KHDRBS3: variants seen among roughly 807,000 people sequenced by gnomAD.
KHDRBS3 encodes KH RNA binding domain containing, signal transduction associated 3.
Under a neutral mutation model 45.6 loss-of-function variants are expected in KHDRBS3, and 23 were observed. The observed-to-expected ratio is 0.50, with a 90% CI of 0.36 to 0.72. The LOEUF (loss-of-function observed/expected upper bound fraction) is 0.72. Ranked by LOEUF, KHDRBS3 falls within the 30% of genes least tolerant of loss-of-function variation. The probability of loss-of-function intolerance (pLI) is 0.00; values close to 1 mark genes in which losing one functional copy is unlikely to be tolerated. For synonymous variants in KHDRBS3, 162 were observed against 156.5 expected (o/e 1.04, Z -0.26); for missense variants, 352 against 424.8 (o/e 0.83, Z 1.51).
chr8:135,533,204 G>A (rs1825568330), intron 2 of KHDRBS3, among the ~76,000 whole-genome samples: 3 of 152,098 alleles, frequency 2.0e-5, no homozygotes, highest in Admixed American at 2.0e-4. Flanking sequence ...CCTCCAGTGG[G>A]CAAATATTAC....
At position 135,607,178 on chromosome 8, in the gene KHDRBS3, C is replaced by G. The variant is rs116804629; in HGVS notation, c.890+141C>G. 4.5e-3 allele frequency: 2,511 copies of G among 562,362 alleles called. 39 individuals are homozygous for G. Among genetic ancestry groups the G allele is most frequent in the African/African-American group, 0.044 (2,318 of 52,364 alleles). The allele number at this position is 562,362 out of a possible 1,614,324, so 34.8% of individuals were successfully genotyped here. The stretch of plus-strand genomic sequence containing the variant: ...TTGTATTTGTTTAAATGGAGAAGCC[C>G]TGTCTGTTCTAGCAACCAGCATGTA... On this transcript the variant is annotated intron_variant, in intron 7 of 8. Transcript: ENST00000355849.
chr8:135,613,823 T>C (rs1242324098), intron 7 of KHDRBS3, among the ~76,000 whole-genome samples: 1 of 151,528 alleles, frequency 6.6e-6, no homozygotes, highest in Non-Finnish European at 1.5e-5. Context: ...CTGGCTACCG[T>C]TGGGTATGAT....
chr8:135,551,289 T>G (rs10095429), intron 4 of KHDRBS3, among the ~76,000 whole-genome samples: 87,726 of 151,856 alleles, frequency 0.58, 26,289 homozygotes, highest in East Asian at 0.78. Flanking sequence ...TCCATTCCGT[T>G]CCTTATGACA....
At chr8:135,472,364 C>A (rs1467031485) in intron 1 of KHDRBS3, among the ~76,000 whole-genome samples, 1 of 152,178 alleles carries the variant, frequency 6.6e-6, no homozygotes, top group Non-Finnish European at 1.5e-5. Flanking sequence ...ACCAGACACA[C>A]GATGAGGATT....
chr8:135,579,744 A>G (rs1366242778), intron 5 of KHDRBS3, among the ~76,000 whole-genome samples: 1 of 152,044 alleles, frequency 6.6e-6, no homozygotes, highest in Admixed American at 6.6e-5. Flanking sequence ...TGATTTTCCT[A>G]CTTTGGCCTT....
intron 1 of KHDRBS3, among the ~76,000 whole-genome samples, chr8:135,479,715 C>G (rs1822468770): frequency 6.6e-6 from 1 of 152,206 alleles, no homozygotes; most frequent in Non-Finnish European, 1.5e-5. Flanking sequence ...CTGAAAGACC[C>G]TACCTCTTTA....
chr8:135,481,128 C>T (rs1284313369), intron 1 of KHDRBS3, among the ~76,000 whole-genome samples: 3 of 151,302 alleles, frequency 2.0e-5, no homozygotes, highest in African/African-American at 4.9e-5. Context: ...GTATTCACTG[C>T]CCTGCTTACC....
At chr8:135,480,981 C>T (rs984978474) in intron 1 of KHDRBS3, among the ~76,000 whole-genome samples, 1 of 152,026 alleles carries the variant, frequency 6.6e-6, no homozygotes, top group Non-Finnish European at 1.5e-5. Flanking sequence ...TTCCTAACCA[C>T]CAGCATTATT....
At chr8:135,480,661 A>C (rs1336251259) in intron 1 of KHDRBS3, among the ~76,000 whole-genome samples, 1 of 152,192 alleles carries the variant, frequency 6.6e-6, no homozygotes, top group Non-Finnish European at 1.5e-5. Context: ...GAAAGGAAAA[A>C]AAAGAGAAAT....
intron 7 of KHDRBS3, among the ~76,000 whole-genome samples, chr8:135,639,021 A>G (rs1043068378): frequency 6.6e-6 from 1 of 152,024 alleles, no homozygotes; most frequent in Admixed American, 6.6e-5. Context: ...ACCAGGAAGT[A>G]TAACATCCTG....
intron 7 of KHDRBS3, among the ~76,000 whole-genome samples, chr8:135,622,688 A>T (rs2131095803): frequency 6.6e-6 from 1 of 152,360 alleles, no homozygotes; most frequent in Middle Eastern, 3.4e-3. Flanking sequence ...CAAATGCAAG[A>T]TTCACAAATG....
At chr8:135,512,888 C>A (rs918358169) in intron 1 of KHDRBS3, among the ~76,000 whole-genome samples, 3 of 152,094 alleles carry the variant, frequency 2.0e-5, no homozygotes, top group Non-Finnish European at 2.9e-5. Flanking sequence ...ATCAATTCAT[C>A]TGTGGGGTGA....
In KHDRBS3 at chr8:135,613,454, C is replaced by T. The variant is rs138009414; in HGVS notation, c.890+6417C>T. ...GAAGGCTGAAAGAGACAGGAAAGCA[C>T]GTAGTCTTTGTAAACTGTGTAGAGG... On this transcript the variant is annotated intron_variant, in intron 7 of 8. Coordinates refer to ENST00000355849, the MANE Select transcript of KHDRBS3 (RefSeq NM_006558.3). Among the ~76,000 whole-genome samples the T allele has an allele frequency of 4.8e-4, 73 of 151,832 alleles. No individual in the cohort carries two copies. The East Asian group carries it at 0.013, about 28-fold the overall frequency.
At chr8:135,569,035 T>C (rs1174858173) in intron 5 of KHDRBS3, among the ~76,000 whole-genome samples, 1 of 152,202 alleles carries the variant, frequency 6.6e-6, no homozygotes, top group East Asian at 1.9e-4. Flanking sequence ...GTCTTCTAAA[T>C]TTTATGAGAC....
intron 2 of KHDRBS3, among the ~76,000 whole-genome samples, chr8:135,536,021 G>A (rs555628210): frequency 2.0e-5 from 3 of 152,158 alleles, no homozygotes; most frequent in Admixed American, 6.5e-5. Flanking sequence ...TGAGTGCCTG[G>A]GGGTAGGAGG....
intron 4 of KHDRBS3, among the ~76,000 whole-genome samples, chr8:135,552,084 TC>T (rs1299152227): frequency 6.6e-6 from 1 of 152,212 alleles, no homozygotes; most frequent in Non-Finnish European, 1.5e-5. Flanking sequence ...CAAGATTTTT[TC>T]TGCCTCTGGT....
chr8:135,569,932 AAAAC>A (rs1474753497), intron 5 of KHDRBS3, among the ~76,000 whole-genome samples: 4 of 132,882 alleles, frequency 3.0e-5, no homozygotes, highest in Admixed American at 1.4e-4. Flanking sequence ...AGAAGAAAGA[AAAAC>A]AAAAACAAAA....
At chr8:135,578,268 A>C (rs887787182) in intron 5 of KHDRBS3, among the ~76,000 whole-genome samples, 2 of 152,084 alleles carry the variant, frequency 1.3e-5, no homozygotes, top group Admixed American at 1.3e-4. Flanking sequence ...TTTTCTTTCA[A>C]GGACTTTTTT....
At chr8:135,534,154 G>T (rs1825617382) in intron 2 of KHDRBS3, among the ~76,000 whole-genome samples, 1 of 151,672 alleles carries the variant, frequency 6.6e-6, no homozygotes, top group Non-Finnish European at 1.5e-5. Flanking sequence ...CCCACCTCTA[G>T]AGAAATAAAT....
Sources: gnomAD v4.1 joint callset for allele counts (sites outside exome capture counted in the v4.1 genomes callset) on GRCh38, gnomAD v4.1.1 for gene constraint, MANE v1.5 for transcripts, NCBI Gene and HGNC (gene_info 2026-07-23, HGNC 2026-07-21) for gene names.